Variants in NPHP4 observed in about 807,000 individuals in gnomAD.
The protein encoded by NPHP4 is nephrocystin-4.
Under a neutral mutation model 155.8 loss-of-function variants are expected in NPHP4, and 151 were observed. The ratio of observed to expected loss-of-function variants is 0.97; its 90% CI spans 0.85 to 1.11. The LOEUF is 1.11. Ranked by LOEUF, NPHP4 falls within the 50% of genes least tolerant of loss-of-function variation. The pLI is 0.00. For missense variants in NPHP4, 1,956 were observed against 1,925.7 expected (o/e 1.02, Z -0.29); for synonymous variants, 845 against 816.8 (o/e 1.03, Z -0.59).
At position 5,913,813 on chromosome 1, in the gene NPHP4, A is replaced by T. The variant is rs1283294095; in HGVS notation, c.1442-4600T>A. Among the ~76,000 whole-genome samples the T allele has an allele frequency of 2.0e-5, 3 of 152,218 alleles. No individual in the cohort carries two copies. The South Asian group carries it at 6.2e-4, about 32-fold the overall frequency. ...ATGCTCAAATATACTCACAGGGACA[A>T]TATTCCCCAGAATTCCTCCTTCCTC... On this transcript the variant is annotated intron_variant, in intron 11 of 29. Transcript: ENST00000378156.
Position 5,907,150 on chromosome 1 carries a change from G to A in NPHP4, c.1576C>T (p.Leu526=), listed in dbSNP as rs759553749. 4.3e-5 allele frequency: 68 copies of A among 1,582,268 alleles called. No homozygotes were observed. Among genetic ancestry groups the A allele is most frequent in the Admixed American group, 1.4e-4 (8 of 56,256 alleles). ...GGGGAGGCCTGAGAGCCATGGGGTA[G>A]CTGTGAAGTAGGCCTGGCCAAGCAG... The part of the protein sequence containing the change: ...QHCLARPTSQ[L]PHGSQASPAQ... Residue 526 remains leucine (L), a synonymous_variant, in exon 13 of 30, where the codon CTA becomes TTA. Coordinates refer to ENST00000378156, the MANE Select transcript of NPHP4 (RefSeq NM_015102.5).
intron 16 of NPHP4, among the ~76,000 whole-genome samples, chr1:5,897,810 A>T (rs1419567815): frequency 6.6e-6 from 1 of 152,254 alleles, no homozygotes; most frequent in South Asian, 2.1e-4. Flanking sequence ...AGAATTGCAC[A>T]TATATAAAAG....
At position 5,948,150 on chromosome 1, in the gene NPHP4, A is replaced by T; in HGVS notation, c.912T>A (p.Val304=). The T allele has an allele frequency of 1.2e-6, 2 of 1,613,644 alleles. No individual in the cohort carries two copies. The highest frequency in any genetic ancestry group is 1.7e-6 in the Non-Finnish European group (2 of 1,179,834). ...CCACATCCATCTCAGGCACCAGTACAACGACCTGCGGCCTCTGCACGAAGC... is the reference window on the plus strand; with the variant it reads ...CCACATCCATCTCAGGCACCAGTACTACGACCTGCGGCCTCTGCACGAAGC... ...GLGFVQRPQV[V]VLVPEMDVAL... is the part of the protein sequence containing the mutation. The change falls in exon 8 of 30, where the codon GTT becomes GTA. Residue 304 remains valine (V), a synonymous_variant. Transcript: ENST00000378156.
chr1:5,931,507 A>G (rs1350536782), intron 10 of NPHP4, among the ~76,000 whole-genome samples: 1 of 151,942 alleles, frequency 6.6e-6, no homozygotes, highest in Admixed American at 6.6e-5. Context: ...TGAGAGGCAC[A>G]CAGATCACCT....
At chr1:5,873,079 G>A (rs956587112) in intron 23 of NPHP4, among the ~76,000 whole-genome samples, 173 bp downstream of exon 23, 16 of 152,142 alleles carry the variant, frequency 1.1e-4, no homozygotes, top group Admixed American at 4.6e-4. Context: ...GCGCCCAGAC[G>A]GAGCTGCCCT....
chr1:5,979,336 C>T (rs555235641), intron 2 of NPHP4, among the ~76,000 whole-genome samples: 25 of 133,408 alleles, frequency 1.9e-4, no homozygotes, highest in Admixed American at 3.0e-4. Flanking sequence ...GTGGGTGGGG[C>T]GGGGCAGGGC....
At chr1:5,966,468 A>G (rs1651522626) in intron 5 of NPHP4, among the ~76,000 whole-genome samples, 1 of 151,730 alleles carries the variant, frequency 6.6e-6, no homozygotes, top group African/African-American at 2.4e-5. Flanking sequence ...CTGGTTTCGA[A>G]CTCCTGAGAG....
At chr1:5,947,992 T>A in intron 8 of NPHP4, 78 bp downstream of exon 8, 1 of 1,152,462 alleles carries the variant, frequency 8.7e-7, no homozygotes, top group East Asian at 2.4e-5. Context: ...AGTCAACACC[T>A]GACATGCACA....
Position 5,961,794 on chromosome 1 carries a change from C to A in NPHP4, c.673G>T (p.Gly225Cys), listed in dbSNP as rs540402276. The A allele has an allele frequency of 6.2e-7, 1 of 1,610,608 alleles. No individual in the cohort carries two copies. Among genetic ancestry groups the A allele is most frequent in the Non-Finnish European group, 8.5e-7 (1 of 1,178,374 alleles). ...PGLLPAHGESGDALRKPRLQK... is the reference protein window; with the variant it reads ...PGLLPAHGESCDALRKPRLQK... ...TGGAGAGAATCAAAGACGCCCTTAC[C>A]GGATTCTCCATGAGCTGGAAGCAGG... The change falls in exon 6 of 30, where the codon GGC (glycine) becomes TGC (cysteine). Residue 225 changes from glycine (G) to cysteine (C), a missense_variant and splice_region_variant. Physicochemically the swap from Gly to Cys is radical, Grantham distance 159. Coordinates refer to ENST00000378156, the MANE Select transcript of NPHP4 (RefSeq NM_015102.5).
chr1:5,977,888 G>A (rs1283232588), intron 3 of NPHP4, among the ~76,000 whole-genome samples: 1 of 100,598 alleles, frequency 9.9e-6, no homozygotes, highest in African/African-American at 4.3e-5. Context: ...AAGGGAGGGG[G>A]AGGGGAGGGG....
Position 5,869,859 on chromosome 1 carries a change from GA to G in NPHP4, c.3316-1964del, listed in dbSNP as rs201149652. ...AGCAGAAATGAGAATTACAAACATG[GA>G]AAAAAACAGGAAGAAACCCGTGATG... On this transcript the variant is annotated intron_variant, in intron 23 of 29. Transcript: ENST00000378156. Among the ~76,000 whole-genome samples the G allele has an allele frequency of 7.4e-3, 1,129 of 152,216 alleles. 9 individuals are homozygous for G. Among genetic ancestry groups the G allele is most frequent in the Middle Eastern group, 0.024 (7 of 294 alleles).
intron 11 of NPHP4, among the ~76,000 whole-genome samples, chr1:5,919,972 G>T (rs185998258): frequency 6.6e-6 from 1 of 151,980 alleles, no homozygotes; most frequent in Non-Finnish European, 1.5e-5. Context: ...TCACTCTATC[G>T]TCCAGGCTGG....
At chr1:5,972,749 T>C (rs1217101088) in intron 3 of NPHP4, among the ~76,000 whole-genome samples, 2 of 152,074 alleles carry the variant, frequency 1.3e-5, no homozygotes, top group Non-Finnish European at 2.9e-5. Flanking sequence ...TCTTTCTTTC[T>C]TTTTTTTCAT....
At chr1:5,932,660 T>TAA (rs35273263) in intron 10 of NPHP4, among the ~76,000 whole-genome samples, 45 of 136,770 alleles carry the variant, frequency 3.3e-4, no homozygotes, top group Non-Finnish European at 3.6e-4. Context: ...ATTTCAGAAT[T>TAA]AAAAAAAAAA....
chr1:5,913,777 G>A (rs964335716), intron 11 of NPHP4, among the ~76,000 whole-genome samples: 1 of 152,240 alleles, frequency 6.6e-6, no homozygotes, highest in Non-Finnish European at 1.5e-5. Context: ...AAGTTGTACA[G>A]TGAACAAATA....
At chr1:5,942,486 G>A (rs35857693) in intron 9 of NPHP4, among the ~76,000 whole-genome samples, 23,954 of 137,652 alleles carry the variant, frequency 0.17, 2,161 homozygotes, top group African/African-American at 0.22. Flanking sequence ...AGCCGAGGTC[G>A]CGCCACTGCA....
At chr1:5,896,787 C>T (rs1644415020) in intron 16 of NPHP4, among the ~76,000 whole-genome samples, 1 of 152,164 alleles carries the variant, frequency 6.6e-6, no homozygotes, top group African/African-American at 2.4e-5. Flanking sequence ...GAAACGGGCC[C>T]TGGCTGGCGG....
intron 3 of NPHP4, among the ~76,000 whole-genome samples, chr1:5,975,375 C>A (rs1157715549): frequency 1.3e-5 from 2 of 152,242 alleles, no homozygotes; most frequent in East Asian, 3.9e-4. Flanking sequence ...CCACACGGGG[C>A]ATAGCAGCTG....
At chr1:5,914,774 T>A (rs61206820) in intron 11 of NPHP4, among the ~76,000 whole-genome samples, 165 of 152,326 alleles carry the variant, frequency 1.1e-3, no homozygotes, top group African/African-American at 3.7e-3. Context: ...CTTCCTAGGC[T>A]GAAGGGAGCA....
Sources: gnomAD v4.1 joint callset for allele counts (sites outside exome capture counted in the v4.1 genomes callset) on GRCh38, gnomAD v4.1.1 for gene constraint, MANE v1.5 for transcripts, NCBI Gene and HGNC (gene_info 2026-07-23, HGNC 2026-07-21) for gene names.